Variants in FBN2 observed in about 807,000 individuals in gnomAD.
FBN2 encodes fibrillin 2.
In FBN2, 105 loss-of-function variants were observed where a neutral mutation model predicts 355.6. The observed-to-expected ratio is 0.30, with a 90% CI of 0.25 to 0.35. The LOEUF (loss-of-function observed/expected upper bound fraction) is 0.35. Among genes scored for constraint, FBN2 ranks in the 10% least tolerant of loss-of-function variants. The pLI is 1.00. For synonymous variants in FBN2, 1,350 were observed against 1,301.2 expected (o/e 1.04, Z -0.81); for missense variants, 3,280 against 3,758.7 (o/e 0.87, Z 3.33).
intron 5 of FBN2, among the ~76,000 whole-genome samples, chr5:128,508,834 C>T (rs1271173283): frequency 6.6e-6 from 1 of 151,932 alleles, no homozygotes; most frequent in Non-Finnish European, 1.5e-5. Context: ...TATTTTACTT[C>T]TGATTTTGAA....
chr5:128,417,636 T>C (rs1029358195), intron 7 of FBN2, among the ~76,000 whole-genome samples: 4 of 152,194 alleles, frequency 2.6e-5, no homozygotes, highest in African/African-American at 7.2e-5. Context: ...ATTCTGCTGA[T>C]GTGATGTATA....
intron 19 of FBN2, among the ~76,000 whole-genome samples, chr5:128,361,103 A>T (rs1014455366): frequency 2.0e-5 from 3 of 152,206 alleles, no homozygotes; most frequent in African/African-American, 7.2e-5. Flanking sequence ...TAACCATTTA[A>T]CTCATTTAAG....
At chr5:128,319,274 G>C (rs1750300391) in intron 34 of FBN2, among the ~76,000 whole-genome samples, 1 of 151,664 alleles carries the variant, frequency 6.6e-6, no homozygotes, top group Non-Finnish European at 1.5e-5. Context: ...AGAAGAGTTG[G>C]CTCAAGGCAC....
intron 34 of FBN2, among the ~76,000 whole-genome samples, chr5:128,320,495 C>T (rs1457854206): frequency 6.6e-6 from 1 of 152,148 alleles, no homozygotes; most frequent in Admixed American, 6.5e-5. Flanking sequence ...TTAATAGGTG[C>T]GGGCCACCAT....
At chr5:128,502,032 T>C (rs939238613) in intron 5 of FBN2, among the ~76,000 whole-genome samples, 1 of 151,802 alleles carries the variant, frequency 6.6e-6, no homozygotes, top group African/African-American at 2.4e-5. Context: ...AATATATACA[T>C]GATTATAAAG....
chr5:128,472,423 A>C (rs2127095222), intron 5 of FBN2, among the ~76,000 whole-genome samples: 1 of 152,228 alleles, frequency 6.6e-6, no homozygotes, highest in South Asian at 2.1e-4. Context: ...TTACAAGATA[A>C]AAAGACTTCT....
At chr5:128,426,846 T>C (rs983065044) in intron 7 of FBN2, among the ~76,000 whole-genome samples, 2 of 152,160 alleles carry the variant, frequency 1.3e-5, no homozygotes, top group Non-Finnish European at 2.9e-5. Flanking sequence ...TATGGAGCTA[T>C]AATCTCCCTG....
At chr5:128,496,068 G>T (rs188827585) in intron 5 of FBN2, among the ~76,000 whole-genome samples, 8 of 152,082 alleles carry the variant, frequency 5.3e-5, no homozygotes, top group Admixed American at 1.3e-4. Context: ...ACAAAGAAAG[G>T]CCCAGGCCCA....
intron 7 of FBN2, among the ~76,000 whole-genome samples, chr5:128,431,319 C>CT (rs34803111): frequency 0.17 from 25,581 of 152,198 alleles, 2,259 homozygotes; most frequent in Non-Finnish European, 0.21. Context: ...GCAGTCTCTC[C>CT]TTCTCTGGGA....
At chr5:128,461,955 G>GT (rs995913439) in intron 6 of FBN2, among the ~76,000 whole-genome samples, 13 of 152,052 alleles carry the variant, frequency 8.5e-5, no homozygotes, top group South Asian at 2.1e-4. Flanking sequence ...ACATGTATTC[G>GT]TTTTTTTAAT....
At chr5:128,313,777 T>C (rs1440939281) in intron 36 of FBN2, among the ~76,000 whole-genome samples, 1 of 130,892 alleles carries the variant, frequency 7.6e-6, no homozygotes, top group Admixed American at 9.6e-5. Flanking sequence ...GGCATGAACC[T>C]GGGAGGCAGG....
intron 31 of FBN2, 50 bp downstream of exon 31, chr5:128,334,669 C>G: frequency 1.2e-6 from 2 of 1,608,364 alleles, no homozygotes; most frequent in Non-Finnish European, 1.7e-6. Context: ...GAAAGTTGGC[C>G]TTTGACATCT....
chr5:128,280,433 G>T, intron 55 of FBN2, 116 bp from the exon 56 acceptor site: 1 of 777,894 alleles, frequency 1.3e-6, no homozygotes, highest in Non-Finnish European at 2.2e-6. Flanking sequence ...CTAATATGAT[G>T]AGATTAAAAA....
chr5:128,270,958 G>T (rs1385884515), intron 62 of FBN2, among the ~76,000 whole-genome samples: 1 of 152,142 alleles, frequency 6.6e-6, no homozygotes, highest in East Asian at 1.9e-4. Context: ...TTTAACTTTT[G>T]ATCACTTATT....
intron 5 of FBN2, among the ~76,000 whole-genome samples, chr5:128,499,048 A>G (rs1430546854): frequency 1.3e-5 from 2 of 152,190 alleles, no homozygotes; most frequent in African/African-American, 4.8e-5. Flanking sequence ...TCTTGGCTCA[A>G]TTTTGCCCCC....
At chr5:128,430,554 T>C (rs1161588167) in intron 7 of FBN2, among the ~76,000 whole-genome samples, 1 of 152,056 alleles carries the variant, frequency 6.6e-6, no homozygotes, top group Non-Finnish European at 1.5e-5. Flanking sequence ...ATTGAAAAAA[T>C]AAAATACAGG....
At chr5:128,517,496 C>A (rs950292997) in intron 5 of FBN2, among the ~76,000 whole-genome samples, 1 of 152,090 alleles carries the variant, frequency 6.6e-6, no homozygotes, top group Non-Finnish European at 1.5e-5. Flanking sequence ...CTGGTAAAGA[C>A]ATTTAAATTC....
rs1213902510 is a variant in FBN2, at chr5:128,374,495, C to G, written c.2095+133G>C. The G allele has an allele frequency of 2.4e-6, 3 of 1,242,928 alleles. No homozygotes were observed. In the East Asian group the frequency reaches 7.1e-5, roughly 29 times the overall value. 77.0% of individuals were successfully genotyped at this position (1,242,928 alleles called of 1,614,324 possible). ...ACTGGCTTCTTTCACTTAGCATAAT[C>G]TTTCCAAGGTTTATCCATGTTTTAG... On this transcript the variant is annotated intron_variant, in intron 15 of 64. Coordinates refer to ENST00000262464, the MANE Select transcript of FBN2 (RefSeq NM_001999.4).
At position 128,272,902 on chromosome 5, in the gene FBN2, G is replaced by GT. The variant is rs149647917; in HGVS notation, c.7841-785dup. On this transcript the variant is annotated intron_variant, in intron 61 of 64. Transcript: ENST00000262464. ...GCTGTAGGTTAAGAATACTTTCAAC[G>GT]TCTCAACGATTTGAAAGATAAAATA... Among the ~76,000 whole-genome samples the GT allele has an allele frequency of 5.8e-3, 885 of 152,178 alleles. 4 individuals carry two copies. Among genetic ancestry groups the GT allele is most frequent in the Middle Eastern group, 0.01 (3 of 294 alleles).
Sources: allele counts gnomAD v4.1 joint callset (sites outside exome capture counted in the v4.1 genomes callset), GRCh38; gene constraint gnomAD v4.1.1; transcripts MANE v1.5; gene names NCBI Gene and HGNC (gene_info 2026-07-23, HGNC 2026-07-21).